SENP6: variants seen among roughly 807,000 people sequenced by gnomAD.
The protein encoded by SENP6 is SUMO specific peptidase 6, also known as sentrin-specific protease 6.
In SENP6, 41 loss-of-function variants were observed where a neutral mutation model predicts 134.5. The ratio of observed to expected loss-of-function variants is 0.30; its 90% CI spans 0.24 to 0.40. The LOEUF is 0.40. Among genes scored for constraint, SENP6 ranks in the 10% least tolerant of loss-of-function variants. The probability of loss-of-function intolerance (pLI) is 1.00; values close to 1 mark genes in which losing one functional copy is unlikely to be tolerated. For missense variants in SENP6, 1,248 were observed against 1,312.5 expected (o/e 0.95, Z 0.76); for synonymous variants, 395 against 429.8 (o/e 0.92, Z 1.00).
At chr6:75,714,070 T>A (rs1435613895) in intron 23 of SENP6, among the ~76,000 whole-genome samples, 1 of 152,202 alleles carries the variant, frequency 6.6e-6, no homozygotes. Context: ...ACCTGCCCTC[T>A]CTACTAGCTC....
At chr6:75,691,544 A>G (rs1048764403) in intron 16 of SENP6, among the ~76,000 whole-genome samples, 4 of 152,220 alleles carry the variant, frequency 2.6e-5, no homozygotes, top group African/African-American at 9.6e-5. Flanking sequence ...CAAATGGAAG[A>G]AATTCCCATA....
chr6:75,621,991 A>AC (rs1358949398), intron 2 of SENP6, among the ~76,000 whole-genome samples: 1 of 152,146 alleles, frequency 6.6e-6, no homozygotes, highest in East Asian at 1.9e-4. Context: ...CCCAGATAAG[A>AC]CCCTTGCATT....
intron 1 of SENP6, among the ~76,000 whole-genome samples, chr6:75,619,445 A>G (rs72654714): frequency 2.1e-4 from 31 of 149,354 alleles, no homozygotes; most frequent in Middle Eastern, 3.4e-3. Flanking sequence ...CGTTGTGTCT[A>G]TGTGTGTGTG....
chr6:75,696,035 T>A, intron 17 of SENP6, 112 bp downstream of exon 17: 2 of 965,608 alleles, frequency 2.1e-6, no homozygotes, highest in Non-Finnish European at 3.0e-6. Context: ...TTGCTTACTT[T>A]TTAAATTCTC....
At chr6:75,636,798 A>AT (rs1414082487) in intron 5 of SENP6, among the ~76,000 whole-genome samples, 1 of 152,106 alleles carries the variant, frequency 6.6e-6, no homozygotes, top group African/African-American at 2.4e-5. Context: ...ATTTAGCACA[A>AT]TTGTTAGACT....
At chr6:75,612,535 T>G (rs188378412) in intron 1 of SENP6, among the ~76,000 whole-genome samples, 1 of 152,168 alleles carries the variant, frequency 6.6e-6, no homozygotes, top group Non-Finnish European at 1.5e-5. Flanking sequence ...GTCACTATGC[T>G]GCTCAGGCTG....
At chr6:75,634,967 C>T (rs2149838633) in intron 5 of SENP6, 156 bp downstream of exon 5, 1 of 685,408 alleles carries the variant, frequency 1.5e-6, no homozygotes, top group Non-Finnish European at 2.7e-6. Context: ...TGAAATTATA[C>T]TATTTTATAT....
chr6:75,614,995 A>G (rs865809962), intron 1 of SENP6, among the ~76,000 whole-genome samples: 1 of 151,814 alleles, frequency 6.6e-6, no homozygotes, highest in African/African-American at 2.4e-5. Context: ...GGTTCAAGCA[A>G]TTCTCCTGCC....
At chr6:75,682,131 C>A (rs1773505352) in intron 16 of SENP6, among the ~76,000 whole-genome samples, 2 of 151,592 alleles carry the variant, frequency 1.3e-5, no homozygotes, top group African/African-American at 2.4e-5. Flanking sequence ...AAGAAAATTA[C>A]CAGGGATCAA....
chr6:75,670,740 T>C lies in SENP6; in HGVS notation c.1392+20T>C. On this transcript the variant is annotated intron_variant, in intron 11 of 23. Transcript: ENST00000447266. The stretch of plus-strand genomic sequence containing the variant: ...GTAATTGTAAGTACATCTTAAGCTC[T>C]TTACTATACCAATTATAACATTAAA... 6.8e-7 allele frequency: 1 copy of C among 1,463,366 alleles called. No individual in the cohort carries two copies. Among genetic ancestry groups the C allele is most frequent in the Non-Finnish European group, 9.2e-7 (1 of 1,088,766 alleles). The allele number at this position is 1,463,366 out of a possible 1,614,324, so 90.6% of individuals were successfully genotyped here.
intron 1 of SENP6, among the ~76,000 whole-genome samples, chr6:75,607,348 G>C (rs1308202016): frequency 1.3e-5 from 2 of 152,062 alleles, no homozygotes; most frequent in East Asian, 3.9e-4. Context: ...GCTTCAGAGA[G>C]GGGCAGCAGA....
At chr6:75,703,377 T>C (rs780702635) in intron 19 of SENP6, among the ~76,000 whole-genome samples, 1 of 151,962 alleles carries the variant, frequency 6.6e-6, no homozygotes, top group East Asian at 1.9e-4. Flanking sequence ...TACTGAGGTA[T>C]AATTATAATA....
At chr6:75,709,400 C>T in intron 19 of SENP6, 127 bp from the exon 20 acceptor site, 1 of 579,934 alleles carries the variant, frequency 1.7e-6, no homozygotes, top group Non-Finnish European at 3.0e-6. Context: ...TGATATTACA[C>T]ACTAAGGCAG....
At position 75,634,715 on chromosome 6, in the gene SENP6, C is replaced by T. The variant is rs17414086; in HGVS notation, c.362C>T (p.Thr121Met). ...GTTTCTTGAATCTGCAGTGAAAATA[C>T]GCAAAATACGTCATTATGTTCTGGA... ...LSNNKKLSENTQNTSLCSGTV... is the reference protein window; with the variant it reads ...LSNNKKLSENMQNTSLCSGTV... The change falls in exon 5 of 24, where the codon ACG (threonine) becomes ATG (methionine). Residue 121 changes from threonine to methionine, a missense_variant. Around this residue, in one of 3 missense-constraint regions of SENP6, gnomAD observed 733 missense variants for 725.4 expected, o/e 1.01. Coordinates refer to ENST00000447266, the MANE Select transcript of SENP6 (RefSeq NM_015571.4). 505,794 of 1,556,674 alleles carry T rather than the reference C, an allele frequency of 0.32. 89,828 individuals are homozygous for T. The highest frequency in any genetic ancestry group is 0.37 in the Non-Finnish European group (424,229 of 1,154,284).
chr6:75,694,295 C>T (rs1398439368), intron 16 of SENP6, among the ~76,000 whole-genome samples: 4 of 152,188 alleles, frequency 2.6e-5, no homozygotes. Flanking sequence ...GATCACTTTA[C>T]AGAGTCATTG....
intron 7 of SENP6, among the ~76,000 whole-genome samples, chr6:75,649,142 C>A (rs1407405484): frequency 3.3e-5 from 5 of 150,800 alleles, no homozygotes; most frequent in Non-Finnish European, 7.4e-5. Context: ...CCCATCGCTA[C>A]TGGAAAAAAA....
At chr6:75,649,118 C>G (rs1770671679) in intron 7 of SENP6, among the ~76,000 whole-genome samples, 2 of 151,602 alleles carry the variant, frequency 1.3e-5, no homozygotes, top group Non-Finnish European at 2.9e-5. Flanking sequence ...CCAGCCTGGC[C>G]AACATGGCAA....
At chr6:75,683,216 G>A (rs945758185) in intron 16 of SENP6, among the ~76,000 whole-genome samples, 1 of 152,138 alleles carries the variant, frequency 6.6e-6, no homozygotes, top group African/African-American at 2.4e-5. Context: ...CTTTAGAGAA[G>A]TGTCTGTTCA....
chr6:75,649,451 A>G (rs1169450854), intron 7 of SENP6, among the ~76,000 whole-genome samples: 1 of 152,224 alleles, frequency 6.6e-6, no homozygotes, highest in African/African-American at 2.4e-5. Flanking sequence ...AAATAAGCAT[A>G]TTCAAGTTAA....
Sources: allele counts gnomAD v4.1 joint callset (sites outside exome capture counted in the v4.1 genomes callset), GRCh38; gene constraint gnomAD v4.1.1; regional missense constraint gnomAD v4.1.1; transcripts MANE v1.5; gene names NCBI Gene and HGNC (gene_info 2026-07-23, HGNC 2026-07-21).